LIN54: variants seen among roughly 807,000 people sequenced by gnomAD.
The protein encoded by LIN54 is lin-54 DREAM MuvB core complex component.
Under a neutral mutation model 78.7 loss-of-function variants are expected in LIN54, and 9 were observed. The ratio of observed to expected loss-of-function variants is 0.11; its 90% CI spans 0.07 to 0.20. The LOEUF (loss-of-function observed/expected upper bound fraction) is 0.20. Ranked by LOEUF, LIN54 falls within the 10% of genes least tolerant of loss-of-function variation. The pLI is 1.00. For missense variants in LIN54, 573 were observed against 889.9 expected (o/e 0.64, Z 4.53); for synonymous variants, 269 against 318.4 (o/e 0.84, Z 1.65).
At chr4:82,972,369 A>G (rs1443464006) in intron 3 of LIN54, among the ~76,000 whole-genome samples, 1 of 152,182 alleles carries the variant, frequency 6.6e-6, no homozygotes, top group Non-Finnish European at 1.5e-5. Context: ...TTTGTAGTAC[A>G]TAGATTAATT....
intron 11 of LIN54, among the ~76,000 whole-genome samples, chr4:82,931,735 T>C (rs1721971436): frequency 6.6e-6 from 1 of 152,236 alleles, no homozygotes; most frequent in Non-Finnish European, 1.5e-5. Flanking sequence ...TGTAAGTATA[T>C]ATAAAATCCT....
At chr4:82,963,275 A>C (rs1336715318) in intron 4 of LIN54, among the ~76,000 whole-genome samples, 2 of 152,206 alleles carry the variant, frequency 1.3e-5, no homozygotes, top group Non-Finnish European at 2.9e-5. Flanking sequence ...GGCAAGATAC[A>C]AATTTTTCAA....
At chr4:82,976,115 A>C (rs1726142693) in intron 3 of LIN54, among the ~76,000 whole-genome samples, 2 of 152,208 alleles carry the variant, frequency 1.3e-5, no homozygotes, top group African/African-American at 2.4e-5. Flanking sequence ...AAGTTAAATC[A>C]GTAGGTTTGG....
At chr4:83,007,057 T>G (rs1729458339) in intron 1 of LIN54, among the ~76,000 whole-genome samples, 1 of 152,038 alleles carries the variant, frequency 6.6e-6, no homozygotes, top group Non-Finnish European at 1.5e-5. Flanking sequence ...AGAGAATCGC[T>G]TGAACCCGGG....
chr4:82,959,672 T>C (rs1724632194), intron 4 of LIN54, among the ~76,000 whole-genome samples: 1 of 152,114 alleles, frequency 6.6e-6, no homozygotes, highest in Admixed American at 6.5e-5. Flanking sequence ...GAAATGCATC[T>C]CTTACTAGAT....
chr4:83,009,952 A>G (rs1729718028), intron 1 of LIN54, among the ~76,000 whole-genome samples: 1 of 152,224 alleles, frequency 6.6e-6, no homozygotes, highest in South Asian at 2.1e-4. Flanking sequence ...AATATAACTG[A>G]GAGTATCTCA....
At chr4:82,966,555 A>C (rs1047194559) in intron 4 of LIN54, among the ~76,000 whole-genome samples, 5 of 152,230 alleles carry the variant, frequency 3.3e-5, no homozygotes, top group East Asian at 1.9e-4. Context: ...ACAAAAAAAA[A>C]CACCTCTGAG....
intron 7 of LIN54, among the ~76,000 whole-genome samples, chr4:82,938,858 C>A (rs1157146747): frequency 6.6e-6 from 1 of 152,194 alleles, no homozygotes; most frequent in Non-Finnish European, 1.5e-5. Flanking sequence ...AAAATAGGTA[C>A]TATACTGATC....
chr4:83,012,451 G>C (rs1344170214), upstream of LIN54, among the ~76,000 whole-genome samples: 1 of 152,124 alleles, frequency 6.6e-6, no homozygotes, highest in African/African-American at 2.4e-5. Context: ...TGGCTTGTTG[G>C]GTCGCGCAGT....
chr4:82,961,369 A>C (rs1724779070), intron 4 of LIN54, among the ~76,000 whole-genome samples: 2 of 152,344 alleles, frequency 1.3e-5, no homozygotes, highest in South Asian at 4.1e-4. Context: ...AAATCAGAGA[A>C]GTAAAAAATT....
At chr4:82,935,878 T>C (rs1722356623) in intron 11 of LIN54, 103 bp downstream of exon 11, 6 of 1,157,256 alleles carry the variant, frequency 5.2e-6, no homozygotes, top group East Asian at 2.3e-5. Context: ...TATTTTCAAA[T>C]TGCAATAGCA....
intron 4 of LIN54, among the ~76,000 whole-genome samples, chr4:82,968,521 T>C (rs1725404329): frequency 6.6e-6 from 1 of 152,086 alleles, no homozygotes; most frequent in Non-Finnish European, 1.5e-5. Context: ...AACACATCTC[T>C]CTTCCTCTTT....
Position 82,979,039 on chromosome 4 carries a change from G to A in LIN54, c.685-33C>T, listed in dbSNP as rs200725790. ...ATATAAATAACTATGAAGACCATCT[G>A]TTTCTATAAAATGCCTATTAAATCA... On this transcript the variant is annotated intron_variant, in intron 2 of 12. Coordinates refer to ENST00000340417, the MANE Select transcript of LIN54 (RefSeq NM_194282.4). The A allele has an allele frequency of 2.7e-6, 4 of 1,498,906 alleles. No individual in the cohort carries two copies. The South Asian group carries it at 5.4e-5, about 20-fold the overall frequency. 92.9% of individuals were successfully genotyped at this position (1,498,906 alleles called of 1,614,324 possible). A position where few individuals can be genotyped will look rare whatever the true frequency, so the allele number is the denominator to read the frequency against.
At chr4:83,011,041 G>A (rs1306736947), upstream of LIN54, among the ~76,000 whole-genome samples, 3 of 152,202 alleles carry the variant, frequency 2.0e-5, no homozygotes, top group Admixed American at 2.0e-4. Context: ...TCCCAAGTCC[G>A]GCATATTTTT....
rs995602312 is a variant in LIN54 at position 82,927,093 on chromosome 4, G to A, written c.*1009C>T. The A allele has an allele frequency of 6.6e-6, 1 of 150,734 alleles. No individual in the cohort carries two copies. The highest frequency in any genetic ancestry group is 2.4e-5 in the African/African-American group (1 of 40,820). The allele number at this position is 150,734 out of a possible 1,614,324, so 9.3% of individuals were successfully genotyped here. A position where few individuals can be genotyped will look rare whatever the true frequency, so the allele number is the denominator to read the frequency against. On this transcript the variant is annotated 3_prime_UTR_variant, in exon 13 of 13. Transcript: ENST00000340417. ...ACCTGGGAGGCAGAGGCGTTGCAGT[G>A]AGCTGAGATCTCACCATTGCACTCC...
At chr4:82,953,053 C>T (rs777894932) in intron 4 of LIN54, among the ~76,000 whole-genome samples, 3 of 152,214 alleles carry the variant, frequency 2.0e-5, no homozygotes, top group South Asian at 2.1e-4. Context: ...CTTAGGCACT[C>T]GCGAGGCAGC....
chr4:83,010,700 G>T lies in LIN54; in HGVS notation c.-249C>A, dbSNP rs909521328. On this transcript the variant is annotated 5_prime_UTR_variant, in exon 1 of 13. Transcript: ENST00000340417. ...GACGTCGCCGTCGCCGCCGCCTCTG[G>T]TATGTCAGGGGCCGGGATTGTATTT... 8.9e-6 allele frequency: 11 copies of T among 1,231,866 alleles called. No homozygotes were observed. Among genetic ancestry groups the T allele is most frequent in the Non-Finnish European group, 1.1e-5 (11 of 987,844 alleles). 76.3% of individuals were successfully genotyped at this position (1,231,866 alleles called of 1,614,324 possible). A position where few individuals can be genotyped will look rare whatever the true frequency, so the allele number is the denominator to read the frequency against.
chr4:82,941,656 ACAG>A (rs1401660743), intron 5 of LIN54, among the ~76,000 whole-genome samples: 1 of 152,190 alleles, frequency 6.6e-6, no homozygotes, highest in Non-Finnish European at 1.5e-5. Flanking sequence ...ATCTGGAGTG[ACAG>A]CAGTGGGAAT....
At chr4:82,929,883 G>A (rs1721806455) in intron 12 of LIN54, among the ~76,000 whole-genome samples, 1 of 152,078 alleles carries the variant, frequency 6.6e-6, no homozygotes, top group Admixed American at 6.6e-5. Flanking sequence ...TATAAGCACT[G>A]GATCTCATTT....
Sources: gnomAD v4.1 joint callset for allele counts (sites outside exome capture counted in the v4.1 genomes callset) on GRCh38, gnomAD v4.1.1 for gene constraint, MANE v1.5 for transcripts, NCBI Gene and HGNC (gene_info 2026-07-23, HGNC 2026-07-21) for gene names.